TRIM60: variants seen among roughly 807,000 people sequenced by gnomAD.
The protein encoded by TRIM60 is tripartite motif-containing protein 60.
For missense variants in TRIM60, 524 were observed against 540.8 expected (o/e 0.97, Z 0.31); for synonymous variants, 189 against 195.2 (o/e 0.97, Z 0.27).
chr4:165,039,107 A>C (rs1010509421), intron 1 of TRIM60, 94 bp from the exon 2 acceptor site: 4 of 151,868 alleles, frequency 2.6e-5, no homozygotes, highest in Admixed American at 2.6e-4. Flanking sequence ...TTTTATATAT[A>C]ATACACAATT....
intron 1 of TRIM60, among the ~76,000 whole-genome samples, chr4:165,038,949 C>T (rs1176505703): frequency 6.6e-6 from 1 of 151,886 alleles, no homozygotes; most frequent in Non-Finnish European, 1.5e-5. Flanking sequence ...TTAATCCCAG[C>T]TTCTTGGGAG....
chr4:165,034,235 C>G (rs1363652030), intron 1 of TRIM60, among the ~76,000 whole-genome samples: 1 of 151,802 alleles, frequency 6.6e-6, no homozygotes, highest in Admixed American at 6.6e-5. Context: ...TCACTGCAAC[C>G]TCCACCTCCT....
At chr4:165,032,318 G>A (rs545030101) in intron 1 of TRIM60, among the ~76,000 whole-genome samples, 1 of 152,262 alleles carries the variant, frequency 6.6e-6, no homozygotes, top group East Asian at 1.9e-4. Flanking sequence ...GCGCAATCTC[G>A]CCTCACTGCA....
Position 165,040,998 on chromosome 4 carries a change from T to C in TRIM60, c.926T>C (p.Leu309Pro), listed in dbSNP as rs1366637732. 6.2e-7 allele frequency: 1 copy of C among 1,614,110 alleles called. No individual in the cohort carries two copies. Reference protein sequence around the residue: ...LDLNTAHPQLLVSEDRKAVRY... With the variant: ...LDLNTAHPQLPVSEDRKAVRY... ...CTCAACACAGCACATCCTCAACTTC[T>C]TGTCTCTGAGGATAGAAAAGCTGTG... Residue 309 changes from leucine (L) to proline (P), a missense_variant, in exon 3 of 3, where the codon CTT becomes CCT. Coordinates refer to ENST00000512596, the MANE Select transcript of TRIM60 (RefSeq NM_152620.3).
chr4:165,034,508 G>A (rs1460144710), intron 1 of TRIM60, among the ~76,000 whole-genome samples: 1 of 152,116 alleles, frequency 6.6e-6, no homozygotes, highest in Non-Finnish European at 1.5e-5. Context: ...AAAAATTCCA[G>A]TCATATTTTG....
rs1733624815 is a variant in TRIM60, at chr4:165,036,404, T to C, written c.-56-2797T>C. ...TGTGTGATATCTGTTTACATCATCT[T>C]ACATGTTTGCTTGTTTTTTTAAGTT... On this transcript the variant is annotated intron_variant, in intron 1 of 2. Coordinates refer to ENST00000512596, the MANE Select transcript of TRIM60 (RefSeq NM_152620.3). Among the ~76,000 whole-genome samples, 4 of 152,216 alleles carry C rather than the reference T, an allele frequency of 2.6e-5. No homozygotes were observed. In the South Asian group the frequency reaches 8.3e-4, roughly 32 times the overall value.
rs752222931 is a variant in TRIM60 at position 165,041,119 on chromosome 4, A to G, written c.1047A>G (p.Arg349=). The G allele has an allele frequency of 3.2e-5, 51 of 1,614,104 alleles. No homozygotes were observed. Among genetic ancestry groups the G allele is most frequent in the Non-Finnish European group, 4.3e-5 (51 of 1,180,038 alleles). The stretch of plus-strand genomic sequence containing the variant: ...GCTCTCAGAGATTTAGTTCTGGCCG[A>G]CATTACTGGGAAGTAGAAGTGGGAA... The part of the protein sequence containing the change: ...VLGSQRFSSG[R]HYWEVEVGNK... Residue 349 remains arginine (R), a synonymous_variant, in exon 3 of 3, where the codon CGA becomes CGG. Transcript: ENST00000512596.
chr4:165,035,805 C>T (rs1268017767), intron 1 of TRIM60, among the ~76,000 whole-genome samples: 1 of 151,864 alleles, frequency 6.6e-6, no homozygotes, highest in Non-Finnish European at 1.5e-5. Flanking sequence ...TCACTGCAAC[C>T]TCCGCCTCCT....
intron 1 of TRIM60, among the ~76,000 whole-genome samples, chr4:165,033,955 T>G (rs535887397): frequency 6.6e-6 from 1 of 152,262 alleles, no homozygotes; most frequent in South Asian, 2.1e-4. Context: ...TCTTCAGGTA[T>G]CAGAAGATAG....
At chr4:165,034,010 G>T (rs1733563619) in intron 1 of TRIM60, among the ~76,000 whole-genome samples, 2 of 152,146 alleles carry the variant, frequency 1.3e-5, no homozygotes, top group Admixed American at 1.3e-4. Flanking sequence ...GAGAAGAGTG[G>T]CTTATAATGC....
chr4:165,040,673 A>G lies in TRIM60; in HGVS notation c.601A>G (p.Ile201Val). 1 of 1,613,674 alleles carries G rather than the reference A, an allele frequency of 6.2e-7. No individual in the cohort carries two copies. ...RLFLQNEQEM[I>V]LRQIQDEEMN... is the part of the protein sequence containing the mutation. ...GTTTTTACAGAATGAACAAGAGATGATTCTTAGGCAGATACAAGATGAAGA... is the reference window on the plus strand; with the variant it reads ...GTTTTTACAGAATGAACAAGAGATGGTTCTTAGGCAGATACAAGATGAAGA... The change falls in exon 3 of 3, where the codon ATT (isoleucine) becomes GTT (valine). Residue 201 changes from isoleucine to valine, a missense_variant. By Grantham distance (29) the Ile-to-Val change is conservative. Transcript: ENST00000512596.
Position 165,038,356 on chromosome 4 carries a change from C to G in TRIM60, c.-56-845C>G, listed in dbSNP as rs1237330827. On this transcript the variant is annotated intron_variant, in intron 1 of 2. Transcript: ENST00000512596. ...AACTTTTTTTTCCCAGTCTAGAATTCAAGCTAAGAGAATGAATTACATTTT... is the reference window on the plus strand; with the variant it reads ...AACTTTTTTTTCCCAGTCTAGAATTGAAGCTAAGAGAATGAATTACATTTT... Among the ~76,000 whole-genome samples, 4 of 151,894 alleles carry G rather than the reference C, an allele frequency of 2.6e-5. No homozygotes were observed. The East Asian group carries it at 7.7e-4, about 29-fold the overall frequency.
Position 165,041,670 on chromosome 4 carries a change from G to A in TRIM60, c.*182G>A, listed in dbSNP as rs894965242. 1 of 415,574 alleles carries A rather than the reference G, an allele frequency of 2.4e-6. No individual in the cohort carries two copies. The highest frequency in any genetic ancestry group is 4.4e-6 in the Non-Finnish European group (1 of 227,710). The allele number at this position is 415,574 out of a possible 1,614,324, so 25.7% of individuals were successfully genotyped here. ...ATATTCTATGAATATCAATTGTCAGGTGCTTTGATTTCTAAGATAAAATAT... is the reference window on the plus strand; with the variant it reads ...ATATTCTATGAATATCAATTGTCAGATGCTTTGATTTCTAAGATAAAATAT... On this transcript the variant is annotated 3_prime_UTR_variant, in exon 3 of 3. Coordinates refer to ENST00000512596, the MANE Select transcript of TRIM60 (RefSeq NM_152620.3).
In TRIM60 at chr4:165,041,104, AT is replaced by A; in HGVS notation, c.1035del (p.Phe345LeufsTer10). ...VCPAVLGSQR[F>X]SSGRHYWEVE... ...GCCCTGCTGTCCTAGGCTCTCAGAG[AT>A]TTAGTTCTGGCCGACATTACTGGGA... On this transcript the variant is annotated frameshift_variant, in exon 3 of 3. Transcript: ENST00000512596. LOFTEE classifies it low-confidence loss of function (END_TRUNC). The A allele has an allele frequency of 6.2e-7, 1 of 1,614,182 alleles. No individual in the cohort carries two copies. Among genetic ancestry groups the A allele is most frequent in the Non-Finnish European group, 8.5e-7 (1 of 1,180,024 alleles).
In TRIM60 at chr4:165,041,705, A is replaced by G; in HGVS notation, c.*217A>G. 2.6e-6 allele frequency: 1 copy of G among 386,322 alleles called. No homozygotes were observed. Among genetic ancestry groups the G allele is most frequent in the Non-Finnish European group, 4.8e-6 (1 of 210,168 alleles). 23.9% of individuals were successfully genotyped at this position (386,322 alleles called of 1,614,324 possible). A position where few individuals can be genotyped will look rare whatever the true frequency, so the allele number is the denominator to read the frequency against. ...TTCTAAGATAAAATATTTTAGAATT[A>G]TGTTACTTAACATGTCCAATAAAAT... On this transcript the variant is annotated 3_prime_UTR_variant, in exon 3 of 3. Transcript: ENST00000512596.
chr4:165,041,090 C>A lies in TRIM60; in HGVS notation c.1018C>A (p.Leu340Ile), dbSNP rs764855281. The A allele has an allele frequency of 1.9e-6, 3 of 1,614,146 alleles. No homozygotes were observed. The South Asian group carries it at 3.3e-5, about 18-fold the overall frequency. The part of the protein sequence containing the change: ...PRRFYVCPAV[L>I]GSQRFSSGRH... ...GAGATTTTATGTCTGCCCTGCTGTC[C>A]TAGGCTCTCAGAGATTTAGTTCTGG... The change falls in exon 3 of 3, where the codon CTA becomes ATA. Residue 340 changes from leucine (L) to isoleucine (I), a missense_variant. Physicochemically the swap from Leu to Ile is conservative, Grantham distance 5 (BLOSUM62 2). Transcript: ENST00000512596.
intron 1 of TRIM60, among the ~76,000 whole-genome samples, chr4:165,033,565 T>TC (rs1481296094): frequency 6.6e-6 from 1 of 152,148 alleles, no homozygotes; most frequent in Non-Finnish European, 1.5e-5. Context: ...CCATTGGAAA[T>TC]CGGAAGGTTA....
chr4:165,035,192 G>A (rs1014882415), intron 1 of TRIM60, among the ~76,000 whole-genome samples: 8 of 152,124 alleles, frequency 5.3e-5, no homozygotes, highest in African/African-American at 1.9e-4. Context: ...AGCCTTCTCA[G>A]TGCTGGCACT....
chr4:165,032,863 C>G (rs1010046753), intron 1 of TRIM60, among the ~76,000 whole-genome samples: 8 of 152,198 alleles, frequency 5.3e-5, no homozygotes, highest in African/African-American at 1.7e-4. Flanking sequence ...GATTTATATT[C>G]ACTGAGCCCA....
Sources: gnomAD v4.1 joint callset for allele counts (sites outside exome capture counted in the v4.1 genomes callset) on GRCh38, gnomAD v4.1.1 for gene constraint, MANE v1.5 for transcripts, NCBI Gene and HGNC (gene_info 2026-07-23, HGNC 2026-07-21) for gene names.